The following CCDC149 variants were observed in gnomAD, a reference collection of about 807,000 sequenced individuals.
The protein encoded by CCDC149 is coiled-coil domain containing 149.
A neutral mutation model predicts 59.9 loss-of-function variants in CCDC149; 45 were observed. The observed-to-expected ratio is 0.75, with a 90% CI of 0.59 to 0.96. The LOEUF is 0.96. Ranked by LOEUF, CCDC149 falls within the 40% of genes least tolerant of loss-of-function variation. The pLI is 0.00. For synonymous variants in CCDC149, 245 were observed against 260.6 expected, an observed-to-expected ratio of 0.94 and a Z score of 0.58; for missense variants, 584 against 664.7, an observed-to-expected ratio of 0.88 and a Z score of 1.33.
chr4:24,882,059 C>T (rs561541412), intron 1 of CCDC149, among the ~76,000 whole-genome samples: 4 of 151,370 alleles, frequency 2.6e-5, no homozygotes, highest in Non-Finnish European at 5.9e-5. Flanking sequence ...TACAAGGAAA[C>T]AAAAAAAGAG....
rs1286247207 is a variant in CCDC149 at position 24,853,308 on chromosome 4, C to A, written c.265-129G>T. On this transcript the variant is annotated intron_variant, in intron 3 of 12. Transcript: ENST00000635206. ...CACACAAAGCCCGTTATAGTAAACACATATATGAATGCAGCCAGTGTGTGA... is the reference window on the plus strand; with the variant it reads ...CACACAAAGCCCGTTATAGTAAACAAATATATGAATGCAGCCAGTGTGTGA... 4.3e-6 allele frequency: 3 copies of A among 698,012 alleles called. No individual in the cohort carries two copies. The African/African-American group carries it at 5.4e-5, about 13-fold the overall frequency. The allele number at this position is 698,012 out of a possible 1,614,324, so 43.2% of individuals were successfully genotyped here.
intron 1 of CCDC149, among the ~76,000 whole-genome samples, chr4:24,979,863 A>G (rs1329623480): frequency 2.0e-5 from 3 of 152,206 alleles, no homozygotes; most frequent in Admixed American, 2.0e-4. Flanking sequence ...CAATGCGTCG[A>G]TGTTAATTCC....
chr4:24,930,882 T>C (rs933511976), intron 1 of CCDC149, among the ~76,000 whole-genome samples: 9 of 152,218 alleles, frequency 5.9e-5, no homozygotes, highest in African/African-American at 1.9e-4. Flanking sequence ...TCTGGTGTTC[T>C]GAGCTAGAGA....
intron 3 of CCDC149, among the ~76,000 whole-genome samples, chr4:24,866,026 T>C (rs800485): frequency 0.82 from 124,546 of 152,162 alleles, 51,119 homozygotes; most frequent in East Asian, 0.9. Context: ...CTTGAGATCT[T>C]TGAAGGAAGT....
At chr4:24,838,780 AAAAAAAAAAAC>A (rs1560210947) in intron 4 of CCDC149, among the ~76,000 whole-genome samples, 1 of 143,772 alleles carries the variant, frequency 7.0e-6, no homozygotes, top group Non-Finnish European at 1.5e-5. Flanking sequence ...AAAGAGTTTA[AAAAAAAAAAAC>A]AAAAAAAAAC....
intron 8 of CCDC149, among the ~76,000 whole-genome samples, chr4:24,832,759 T>C (rs1190627060): frequency 6.6e-6 from 1 of 152,228 alleles, no homozygotes; most frequent in East Asian, 1.9e-4. Flanking sequence ...TATCCCAAAT[T>C]CCATACTTCT....
intron 1 of CCDC149, among the ~76,000 whole-genome samples, chr4:24,976,273 G>T (rs1249209268): frequency 1.3e-5 from 2 of 152,190 alleles, no homozygotes; most frequent in Non-Finnish European, 2.9e-5. Flanking sequence ...GCAACATGGA[G>T]CACAGGCAGA....
intron 2 of CCDC149, 70 bp downstream of exon 2, chr4:24,876,466 A>G (rs1038284638): frequency 4.1e-6 from 6 of 1,471,858 alleles, no homozygotes; most frequent in African/African-American, 2.8e-5. Flanking sequence ...AAGAAACAGC[A>G]TGTGAAAATC....
At chr4:24,971,869 A>G (rs993947374) in intron 1 of CCDC149, among the ~76,000 whole-genome samples, 21 of 152,362 alleles carry the variant, frequency 1.4e-4, no homozygotes, top group Middle Eastern at 3.4e-3. Context: ...CTTCATCTGC[A>G]TAATAAAACC....
intron 1 of CCDC149, among the ~76,000 whole-genome samples, chr4:24,897,906 GA>G (rs1266088411): frequency 6.6e-6 from 1 of 152,238 alleles, no homozygotes; most frequent in Non-Finnish European, 1.5e-5. Context: ...AGAATGTTGG[GA>G]AGGAAGAAAA....
intron 4 of CCDC149, among the ~76,000 whole-genome samples, chr4:24,848,554 T>C (rs1172557355): frequency 6.6e-6 from 1 of 151,242 alleles, no homozygotes; most frequent in Non-Finnish European, 1.5e-5. Flanking sequence ...GGTGACAGAG[T>C]GAGACTCCAT....
chr4:24,957,350 C>G (rs572990092), intron 1 of CCDC149, among the ~76,000 whole-genome samples: 1 of 152,342 alleles, frequency 6.6e-6, no homozygotes, highest in Admixed American at 6.5e-5. Flanking sequence ...TGACTCTCCT[C>G]TTTAAGCTCA....
In CCDC149 at chr4:24,876,667, T is replaced by G; in HGVS notation, c.94A>C (p.Lys32Gln). 6.2e-7 allele frequency: 1 copy of G among 1,613,714 alleles called. No homozygotes were observed. The highest frequency in any genetic ancestry group is 1.3e-5 in the African/African-American group (1 of 75,026). The change falls in exon 2 of 13, where the codon AAG (lysine) becomes CAG (glutamine). Residue 32 changes from lysine (K) to glutamine (Q), a missense_variant. By Grantham distance (53) the Lys-to-Gln change is moderately conservative. Coordinates refer to ENST00000635206, the MANE Select transcript of CCDC149 (RefSeq NM_001330643.2). ...GAGAGGATCAGCAGGGCTTCCTTCTTACTCTCCAGCTTCCTCTTACACACC... is the reference window on the plus strand; with the variant it reads ...GAGAGGATCAGCAGGGCTTCCTTCTGACTCTCCAGCTTCCTCTTACACACC...
chr4:24,941,678 G>T (rs946657457), intron 1 of CCDC149, among the ~76,000 whole-genome samples: 13 of 151,932 alleles, frequency 8.6e-5, no homozygotes, highest in African/African-American at 3.1e-4. Context: ...AAAGAGAGAA[G>T]AATCAAATAG....
chr4:24,972,499 G>A (rs1377597251), intron 1 of CCDC149, among the ~76,000 whole-genome samples: 1 of 151,764 alleles, frequency 6.6e-6, no homozygotes, highest in Non-Finnish European at 1.5e-5. Flanking sequence ...GTAGAGATGG[G>A]GTTTTTCCGT....
chr4:24,967,017 G>C (rs143314282), intron 1 of CCDC149, among the ~76,000 whole-genome samples: 28 of 152,324 alleles, frequency 1.8e-4, no homozygotes, highest in African/African-American at 4.8e-4. Flanking sequence ...TTCATTGACA[G>C]TTATGGAGGA....
intron 3 of CCDC149, among the ~76,000 whole-genome samples, chr4:24,856,741 C>T (rs1032902821): frequency 1.3e-5 from 2 of 152,246 alleles, no homozygotes; most frequent in African/African-American, 4.8e-5. Flanking sequence ...CACAGCTCTC[C>T]TTCCTTAGCT....
intron 1 of CCDC149, among the ~76,000 whole-genome samples, chr4:24,946,864 C>G (rs561635413): frequency 6.6e-6 from 1 of 152,276 alleles, no homozygotes; most frequent in South Asian, 2.1e-4. Flanking sequence ...TTTTAATACA[C>G]AATTACTTGT....
chr4:24,895,335 G>T (rs1293367478), intron 1 of CCDC149, among the ~76,000 whole-genome samples: 1 of 152,120 alleles, frequency 6.6e-6, no homozygotes, highest in Admixed American at 6.5e-5. Flanking sequence ...GTGTGCCTCT[G>T]CTGTCTACGT....
Sources: gnomAD v4.1 joint callset for allele counts (sites outside exome capture counted in the v4.1 genomes callset) on GRCh38, gnomAD v4.1.1 for gene constraint, MANE v1.5 for transcripts, NCBI Gene and HGNC (gene_info 2026-07-23, HGNC 2026-07-21) for gene names.